Variants in MARCHF1 observed in about 807,000 individuals in gnomAD.
The protein encoded by MARCHF1 is membrane associated ring-CH-type finger 1, also known as E3 ubiquitin-protein ligase MARCHF1.
MARCHF1 carries 40 observed loss-of-function variants against 54.2 expected under a neutral mutation model. The ratio of observed to expected loss-of-function variants is 0.74; its 90% CI spans 0.57 to 0.96. The LOEUF is 0.96. MARCHF1 is among the 40% of genes least tolerant of loss of function. The pLI, the probability that MARCHF1 is intolerant of heterozygous loss-of-function variation, is 0.00. For synonymous variants in MARCHF1, 236 were observed against 236.3 expected (o/e 1.00, Z 0.01); for missense variants, 586 against 656.5 (o/e 0.89, Z 1.17).
At chr4:164,068,689 CT>C in intron 2 of MARCHF1, among the ~76,000 whole-genome samples, 1 of 152,296 alleles carries the variant, frequency 6.6e-6, no homozygotes, top group Non-Finnish European at 1.5e-5. Context: ...GTGCCGCCCC[CT>C]GCTCCATGGC....
At chr4:163,763,704 G>A (rs1229718841) in intron 4 of MARCHF1, among the ~76,000 whole-genome samples, 2 of 152,048 alleles carry the variant, frequency 1.3e-5, no homozygotes, top group African/African-American at 4.8e-5. Flanking sequence ...GAAATGTTAT[G>A]TACCGTATAG....
At chr4:163,869,945 T>C (rs1239618907) in intron 3 of MARCHF1, among the ~76,000 whole-genome samples, 5 of 152,140 alleles carry the variant, frequency 3.3e-5, no homozygotes, top group Non-Finnish European at 4.4e-5. Flanking sequence ...ATATTGAAGA[T>C]TGGCATCTTT....
At chr4:163,766,563 G>A (rs1043285643) in intron 4 of MARCHF1, among the ~76,000 whole-genome samples, 2 of 152,032 alleles carry the variant, frequency 1.3e-5, no homozygotes, top group African/African-American at 2.4e-5. Context: ...ACATTCCATT[G>A]GCAGACACCC....
chr4:164,201,837 T>C (rs937928494), intron 1 of MARCHF1, among the ~76,000 whole-genome samples: 17 of 152,238 alleles, frequency 1.1e-4, no homozygotes, highest in Admixed American at 9.8e-4. Flanking sequence ...TTCCTTAGTA[T>C]AATGTATAAG....
chr4:164,127,486 G>A (rs189955424), intron 1 of MARCHF1, among the ~76,000 whole-genome samples: 1 of 152,182 alleles, frequency 6.6e-6, no homozygotes, highest in East Asian at 1.9e-4. Context: ...TGAAAAAAGG[G>A]GAAAATTATA....
intron 1 of MARCHF1, among the ~76,000 whole-genome samples, chr4:164,311,067 A>G (rs1734838610): frequency 1.3e-5 from 2 of 152,158 alleles, no homozygotes; most frequent in African/African-American, 4.8e-5. Context: ...TAGCACTCTA[A>G]ATGCTGAATT....
intron 5 of MARCHF1, among the ~76,000 whole-genome samples, chr4:163,640,879 A>G (rs1742528070): frequency 6.6e-6 from 1 of 152,106 alleles, no homozygotes; most frequent in African/African-American, 2.4e-5. Context: ...GGTTATTGAC[A>G]TATTATCTAT....
At chr4:164,048,760 A>G (rs1443863751) in intron 2 of MARCHF1, among the ~76,000 whole-genome samples, 1 of 152,138 alleles carries the variant, frequency 6.6e-6, no homozygotes, top group African/African-American at 2.4e-5. Flanking sequence ...TCTATTCAAA[A>G]CTTCTCCCTT....
chr4:164,176,974 C>CTATATA (rs1382575137), intron 1 of MARCHF1, among the ~76,000 whole-genome samples: 5 of 29,964 alleles, frequency 1.7e-4, no homozygotes, highest in African/African-American at 2.6e-4. Flanking sequence ...CTCTCTCTCT[C>CTATATA]TCTCTCTATA....
intron 1 of MARCHF1, among the ~76,000 whole-genome samples, chr4:164,171,732 G>A (rs1730530993): frequency 6.6e-6 from 1 of 152,218 alleles, no homozygotes; most frequent in South Asian, 2.1e-4. Context: ...GACTTTTTCT[G>A]TCATCCAAAT....
At chr4:164,124,100 T>A (rs896131676) in intron 1 of MARCHF1, among the ~76,000 whole-genome samples, 19 of 147,290 alleles carry the variant, frequency 1.3e-4, no homozygotes, top group African/African-American at 5.2e-4. Flanking sequence ...AAGATTTGAA[T>A]AGATATTTCT....
chr4:164,134,084 T>C (rs558525655), intron 1 of MARCHF1, among the ~76,000 whole-genome samples: 1 of 152,356 alleles, frequency 6.6e-6, no homozygotes, highest in South Asian at 2.1e-4. Context: ...GTTACAACTT[T>C]TGCCTTTTTG....
chr4:164,348,777 C>A (rs1275192171), intron 1 of MARCHF1, among the ~76,000 whole-genome samples: 1 of 152,074 alleles, frequency 6.6e-6, no homozygotes, highest in East Asian at 1.9e-4. Context: ...ATTAAGTGAC[C>A]ATGGCAGGGG....
chr4:163,786,839 C>T (rs547446111), intron 4 of MARCHF1, among the ~76,000 whole-genome samples: 8 of 151,896 alleles, frequency 5.3e-5, no homozygotes, highest in Non-Finnish European at 8.8e-5. Flanking sequence ...TCAGAATATA[C>T]TACAAATCAC....
At chr4:163,704,632 AC>A (rs1376974677) in intron 4 of MARCHF1, among the ~76,000 whole-genome samples, 1 of 151,730 alleles carries the variant, frequency 6.6e-6, no homozygotes, top group Non-Finnish European at 1.5e-5. Flanking sequence ...TAACTAAGAT[AC>A]TTTTATATAA....
intron 2 of MARCHF1, among the ~76,000 whole-genome samples, chr4:164,100,091 CA>C (rs1406103955): frequency 2.0e-5 from 3 of 152,176 alleles, no homozygotes; most frequent in African/African-American, 4.8e-5. Flanking sequence ...CTAATTTTTA[CA>C]CTTATTCATT....
intron 3 of MARCHF1, among the ~76,000 whole-genome samples, chr4:163,889,922 T>TTTC (rs1750620366): frequency 9.3e-6 from 1 of 107,752 alleles, no homozygotes; most frequent in Non-Finnish European, 2.0e-5. Flanking sequence ...TTATTTTCTT[T>TTTC]TTTCTTTTTT....
chr4:163,892,159 G>T (rs1402950437), intron 3 of MARCHF1, among the ~76,000 whole-genome samples: 3 of 152,262 alleles, frequency 2.0e-5, no homozygotes, highest in African/African-American at 7.2e-5. Context: ...AAAGGTGAAG[G>T]AAAATAAAGC....
chr4:163,849,585 C>A (rs1037481568), intron 4 of MARCHF1, among the ~76,000 whole-genome samples: 2 of 152,130 alleles, frequency 1.3e-5, no homozygotes, highest in African/African-American at 4.8e-5. Context: ...TTTCATCATT[C>A]CTACAGATCC....
Sources: allele counts gnomAD v4.1 joint callset (sites outside exome capture counted in the v4.1 genomes callset), GRCh38; gene constraint gnomAD v4.1.1; transcripts MANE v1.5; gene names NCBI Gene and HGNC (gene_info 2026-07-23, HGNC 2026-07-21).